TEX14: variants seen among roughly 807,000 people sequenced by gnomAD.
The protein encoded by TEX14 is testis expressed 14, intercellular bridge forming factor.
TEX14 carries 168 observed loss-of-function variants against 178.6 expected under a neutral mutation model. The observed-to-expected ratio is 0.94, with a 90% CI of 0.83 to 1.07. The LOEUF is 1.07. Among genes scored for constraint, TEX14 ranks in the 50% least tolerant of loss-of-function variants. TEX14 has a pLI of 0.00. For synonymous variants in TEX14, 626 were observed against 634.1 expected, an observed-to-expected ratio of 0.99 and a Z score of 0.19; for missense variants, 1,730 against 1,753.6, an observed-to-expected ratio of 0.99 and a Z score of 0.24.
At chr17:58,565,653 T>G (rs532263181) in intron 27 of TEX14, 94 bp downstream of exon 27, 1 of 837,728 alleles carries the variant, frequency 1.2e-6, no homozygotes, top group East Asian at 2.7e-5. Flanking sequence ...GAGTTGTGCC[T>G]GACCTCAAGG....
intron 4 of TEX14, 53 bp from the exon 5 acceptor site, chr17:58,621,839 T>C: frequency 6.5e-7 from 1 of 1,548,242 alleles, no homozygotes; most frequent in South Asian, 1.2e-5. Flanking sequence ...CTCAATGGAA[T>C]GGAAGCTTGG....
chr17:58,615,071 C>G (rs570926764), intron 8 of TEX14, among the ~76,000 whole-genome samples, 161 bp downstream of exon 8: 2 of 152,348 alleles, frequency 1.3e-5, no homozygotes, highest in Non-Finnish European at 2.9e-5. Flanking sequence ...TTCCTCTTTC[C>G]TGGCAGCCCT....
At position 58,586,036 on chromosome 17, in the gene TEX14, T is replaced by C. The variant is rs2044962409; in HGVS notation, c.2835A>G (p.Thr945=). ...MAKKAATGQL[T]VPPWHPQSSL... ...TACTCTGAGGATGCCAAGGAGGTAC[T>C]GTGAGCTGTCCAGTAGCTGCTTTCT... The change falls in exon 18 of 32, where the codon ACA becomes ACG. Residue 945 remains threonine, a synonymous_variant. Transcript: ENST00000349033. 2 of 1,614,148 alleles carry C rather than the reference T, an allele frequency of 1.2e-6. No homozygotes were observed. Among genetic ancestry groups the C allele is most frequent in the Non-Finnish European group, 1.7e-6 (2 of 1,179,980 alleles).
intron 18 of TEX14, 103 bp from the exon 19 acceptor site, chr17:58,584,703 C>T: frequency 1.1e-6 from 1 of 909,400 alleles, no homozygotes; most frequent in South Asian, 1.4e-5. Flanking sequence ...ACATATTCTG[C>T]CAAGAGTGGC....
chr17:58,664,819 AT>A (rs1198683972), intron 1 of TEX14, among the ~76,000 whole-genome samples: 3 of 152,288 alleles, frequency 2.0e-5, no homozygotes, highest in East Asian at 1.9e-4. Context: ...CTAAAAATTC[AT>A]TTTTTTCTTC....
chr17:58,665,469 G>A (rs917582971), intron 1 of TEX14, among the ~76,000 whole-genome samples: 2 of 151,982 alleles, frequency 1.3e-5, no homozygotes, highest in African/African-American at 2.4e-5. Context: ...GTGGTCATGC[G>A]TGGCTGTAGT....
chr17:58,655,031 C>CTT lies in TEX14; in HGVS notation c.-1-3031_-1-3030dup, dbSNP rs1188938621. 4.3e-3 allele frequency among the ~76,000 whole-genome samples: 561 copies of CTT among 130,812 alleles called. 4 individuals carry two copies. The highest frequency in any genetic ancestry group is 0.012 in the African/African-American group (415 of 34,966). 85.8% of individuals were successfully genotyped at this position (130,812 alleles called of 152,430 possible). On this transcript the variant is annotated intron_variant, in intron 1 of 31. Transcript: ENST00000349033. ...ACCAGTTGCAGAAATAAACTCCCTT[C>CTT]TTTTTTTTTTTTTTTTTTCCTGAGA... is the stretch of plus-strand genomic sequence containing the variant.
At chr17:58,657,607 G>C (rs1001485510) in intron 1 of TEX14, among the ~76,000 whole-genome samples, 1 of 141,012 alleles carries the variant, frequency 7.1e-6, no homozygotes, top group Non-Finnish European at 1.5e-5. Flanking sequence ...CTCTGCCTCC[G>C]GGGTTCAAAC....
chr17:58,572,686 C>T (rs1488518383), intron 23 of TEX14, among the ~76,000 whole-genome samples: 1 of 151,558 alleles, frequency 6.6e-6, no homozygotes, highest in African/African-American at 2.4e-5. Context: ...AGACACAGCT[C>T]CTCATGGTAT....
At chr17:58,601,082 C>CT (rs1390466281) in intron 13 of TEX14, among the ~76,000 whole-genome samples, 4 of 150,788 alleles carry the variant, frequency 2.7e-5, no homozygotes, top group African/African-American at 9.8e-5. Flanking sequence ...GACCTCATCT[C>CT]TAAAAAAAAA....
chr17:58,578,343 G>C (rs141558570), intron 20 of TEX14, among the ~76,000 whole-genome samples: 2 of 151,076 alleles, frequency 1.3e-5, no homozygotes, highest in African/African-American at 4.9e-5. Context: ...TTTAGAGTCC[G>C]ACCCTCTCCT....
intron 1 of TEX14, among the ~76,000 whole-genome samples, chr17:58,691,334 A>G (rs2047714982): frequency 6.6e-6 from 1 of 152,032 alleles, no homozygotes; most frequent in Non-Finnish European, 1.5e-5. Flanking sequence ...CAATATTTAG[A>G]AAGTTCTTCT....
intron 1 of TEX14, among the ~76,000 whole-genome samples, chr17:58,670,123 G>A (rs2047279784): frequency 6.6e-6 from 1 of 152,072 alleles, no homozygotes. Context: ...CTCTTCCCAC[G>A]CTGAGCTCCC....
intron 21 of TEX14, among the ~76,000 whole-genome samples, chr17:58,574,675 CAAAAAAAAAAAAAAA>C (rs1177255314): frequency 2.3e-5 from 1 of 43,890 alleles, no homozygotes; most frequent in Non-Finnish European, 4.0e-5. Context: ...ACTCCATCTC[CAAAAAAAAAAAAAAA>C]AAAAAAAAAA....
chr17:58,589,744 G>A (rs937961871), intron 15 of TEX14, among the ~76,000 whole-genome samples: 3 of 150,806 alleles, frequency 2.0e-5, no homozygotes, highest in Non-Finnish European at 4.4e-5. Flanking sequence ...TCTGTCACTA[G>A]GCTGGAGTAC....
chr17:58,559,427 C>T (rs759615429), intron 30 of TEX14, 26 bp downstream of exon 30: 3 of 1,034,536 alleles, frequency 2.9e-6, no homozygotes, highest in Non-Finnish European at 4.5e-6. Context: ...CTACAGACTA[C>T]ATTATAAACA....
intron 17 of TEX14, among the ~76,000 whole-genome samples, chr17:58,586,736 AG>A (rs1470191593): frequency 6.6e-6 from 1 of 151,760 alleles, no homozygotes; most frequent in African/African-American, 2.4e-5. Context: ...AACTCTGATG[AG>A]AAAAAAAAAA....
intron 28 of TEX14, among the ~76,000 whole-genome samples, chr17:58,563,658 T>TATATATAGAG (rs1351647352): frequency 1.7e-4 from 3 of 17,480 alleles, no homozygotes; most frequent in Non-Finnish European, 8.7e-5. Flanking sequence ...TATATATATA[T>TATATATAGAG]AGAGAGAGAG....
At chr17:58,609,351 C>T (rs2045692170) in intron 10 of TEX14, among the ~76,000 whole-genome samples, 1 of 152,190 alleles carries the variant, frequency 6.6e-6, no homozygotes, top group African/African-American at 2.4e-5. Flanking sequence ...CCTCATGATC[C>T]ACCCGTCTCG....
Sources: allele counts gnomAD v4.1 joint callset (sites outside exome capture counted in the v4.1 genomes callset), GRCh38; gene constraint gnomAD v4.1.1; transcripts MANE v1.5; gene names NCBI Gene and HGNC (gene_info 2026-07-23, HGNC 2026-07-21).